The following STXBP5 variants were observed in gnomAD, a reference collection of about 807,000 sequenced individuals.
STXBP5 encodes syntaxin-binding protein 5.
A neutral mutation model predicts 152.4 loss-of-function variants in STXBP5; 50 were observed. That is an observed-to-expected ratio of 0.33 (90% CI 0.26 to 0.42). The LOEUF (loss-of-function observed/expected upper bound fraction) is 0.42, where lower values mean the gene tolerates loss of function less well. STXBP5 is among the 10% of genes least tolerant of loss of function. The probability of loss-of-function intolerance (pLI) is 1.00; values close to 1 mark genes in which losing one functional copy is unlikely to be tolerated. For synonymous variants in STXBP5, 492 were observed against 494.7 expected (o/e 0.99, Z 0.07); for missense variants, 1,167 against 1,388.6 (o/e 0.84, Z 2.54).
chr6:147,295,309 T>A (rs1443211141), intron 9 of STXBP5, among the ~76,000 whole-genome samples: 1 of 152,130 alleles, frequency 6.6e-6, no homozygotes, highest in African/African-American at 2.4e-5. Context: ...TTAGAAGAGT[T>A]AGTTTTCTCC....
chr6:147,218,969 G>A (rs911308964), intron 2 of STXBP5, among the ~76,000 whole-genome samples: 1 of 152,098 alleles, frequency 6.6e-6, no homozygotes, highest in African/African-American at 2.4e-5. Flanking sequence ...TGCATTAGCT[G>A]GTGCTCCCAT....
At chr6:147,295,673 A>G (rs186582483) in intron 9 of STXBP5, among the ~76,000 whole-genome samples, 1 of 152,292 alleles carries the variant, frequency 6.6e-6, no homozygotes, top group East Asian at 1.9e-4. Flanking sequence ...AACGTAAGCC[A>G]TAGGCCCCCA....
chr6:147,279,848 A>G (rs1331292900), intron 8 of STXBP5, among the ~76,000 whole-genome samples: 1 of 152,200 alleles, frequency 6.6e-6, no homozygotes. Flanking sequence ...AAAAGTACCA[A>G]TAAGGTGTGG....
intron 9 of STXBP5, among the ~76,000 whole-genome samples, chr6:147,295,834 C>T (rs1781493336): frequency 6.6e-6 from 1 of 152,196 alleles, no homozygotes; most frequent in Admixed American, 6.5e-5. Flanking sequence ...ACCCTCACCA[C>T]CCCATGACCC....
At chr6:147,281,399 C>G (rs2128343487) in intron 8 of STXBP5, among the ~76,000 whole-genome samples, 2 of 152,272 alleles carry the variant, frequency 1.3e-5, no homozygotes, top group African/African-American at 2.4e-5. Flanking sequence ...AAACTACATT[C>G]TGCATACCAT....
chr6:147,271,394 A>C (rs1164520037), intron 7 of STXBP5, among the ~76,000 whole-genome samples: 1 of 152,160 alleles, frequency 6.6e-6, no homozygotes, highest in Non-Finnish European at 1.5e-5. Flanking sequence ...TATCACCAAG[A>C]CATGCTATAT....
At chr6:147,229,333 A>G (rs1262266083) in intron 2 of STXBP5, among the ~76,000 whole-genome samples, 2 of 151,948 alleles carry the variant, frequency 1.3e-5, no homozygotes, top group African/African-American at 4.8e-5. Flanking sequence ...TTTATCATTC[A>G]TACAAGCTAA....
chr6:147,289,848 T>C (rs1781190003), intron 8 of STXBP5, among the ~76,000 whole-genome samples: 1 of 152,082 alleles, frequency 6.6e-6, no homozygotes, highest in South Asian at 2.1e-4. Flanking sequence ...AGATATACTA[T>C]ATGCCAAACA....
chr6:147,345,097 T>C (rs1317335013), intron 21 of STXBP5, among the ~76,000 whole-genome samples: 2 of 152,212 alleles, frequency 1.3e-5, no homozygotes, highest in African/African-American at 2.4e-5. Context: ...AACAGGTCTG[T>C]ATTTAATTTG....
At chr6:147,290,666 A>G (rs1781233532) in intron 8 of STXBP5, among the ~76,000 whole-genome samples, 1 of 152,220 alleles carries the variant, frequency 6.6e-6, no homozygotes, top group Non-Finnish European at 1.5e-5. Flanking sequence ...GAATAAATAT[A>G]AATGATTTTA....
At chr6:147,256,166 T>C (rs1380696395) in intron 4 of STXBP5, among the ~76,000 whole-genome samples, 1 of 152,208 alleles carries the variant, frequency 6.6e-6, no homozygotes, top group Non-Finnish European at 1.5e-5. Flanking sequence ...ATGAAGCTCA[T>C]GAGCAGACTT....
At chr6:147,295,921 T>G (rs1781497579) in intron 9 of STXBP5, among the ~76,000 whole-genome samples, 1 of 152,150 alleles carries the variant, frequency 6.6e-6, no homozygotes, top group Non-Finnish European at 1.5e-5. Flanking sequence ...AGTAGCCACT[T>G]CATTTGTCCA....
At chr6:147,235,003 A>G (rs1778196968) in intron 2 of STXBP5, among the ~76,000 whole-genome samples, 2 of 152,040 alleles carry the variant, frequency 1.3e-5, no homozygotes, top group Admixed American at 1.3e-4. Context: ...TCTTGTTTTA[A>G]TATGTTGCTG....
intron 8 of STXBP5, among the ~76,000 whole-genome samples, chr6:147,284,244 C>T (rs944455381): frequency 1.6e-4 from 25 of 152,072 alleles, no homozygotes; most frequent in Non-Finnish European, 2.9e-4. Context: ...TGGATAGCCA[C>T]GCTAGACTGA....
At chr6:147,239,873 G>T (rs916960503) in intron 4 of STXBP5, among the ~76,000 whole-genome samples, 7 of 151,880 alleles carry the variant, frequency 4.6e-5, no homozygotes, top group Non-Finnish European at 1.0e-4. Flanking sequence ...TGTGAATTTG[G>T]GGCTTTGATT....
chr6:147,314,066 T>G, intron 12 of STXBP5, 35 bp downstream of exon 12: 1 of 1,545,454 alleles, frequency 6.5e-7, no homozygotes. Context: ...TAATGTTATA[T>G]TTCTTATTTA....
At position 147,262,281 on chromosome 6, in the gene STXBP5, C is replaced by T; in HGVS notation, c.567-9C>T. The T allele has an allele frequency of 2.0e-6, 3 of 1,533,324 alleles. No individual in the cohort carries two copies. Among genetic ancestry groups the T allele is most frequent in the Admixed American group, 4.4e-5 (2 of 45,504 alleles). 95.0% of individuals were successfully genotyped at this position (1,533,324 alleles called of 1,614,324 possible). On this transcript the variant is annotated splice_polypyrimidine_tract_variant and intron_variant, in intron 5 of 27. Coordinates refer to ENST00000321680, the MANE Select transcript of STXBP5 (RefSeq NM_001127715.4). Reference sequence around the variant, plus strand: ...GAAGAGAAAATCTTACTAACTTTTTCTTTTTTAGGTCATCTAAATCTCACC... The same window carrying T: ...GAAGAGAAAATCTTACTAACTTTTTTTTTTTTAGGTCATCTAAATCTCACC...
chr6:147,327,230 T>C lies in STXBP5; in HGVS notation c.2034T>C (p.Tyr678=), dbSNP rs762343049. The change falls in exon 18 of 28, where the codon TAT becomes TAC. Residue 678 remains tyrosine, a synonymous_variant. Transcript: ENST00000321680. ...AATTATATGGCTCTAATGATCCTTATCGGAGAGAACCCCGATCTCCTCGTA... is the reference window on the plus strand; with the variant it reads ...AATTATATGGCTCTAATGATCCTTACCGGAGAGAACCCCGATCTCCTCGTA... ...TIELYGSNDP[Y]RREPRSPRKS... 6.2e-7 allele frequency: 1 copy of C among 1,613,928 alleles called. No homozygotes were observed.
intron 8 of STXBP5, among the ~76,000 whole-genome samples, chr6:147,282,482 A>G (rs1780748015): frequency 6.6e-6 from 1 of 152,210 alleles, no homozygotes; most frequent in South Asian, 2.1e-4. Context: ...TATTACTTGT[A>G]AAATGGCAAG....
Sources: gnomAD v4.1 joint callset for allele counts (sites outside exome capture counted in the v4.1 genomes callset) on GRCh38, gnomAD v4.1.1 for gene constraint, MANE v1.5 for transcripts, NCBI Gene and HGNC (gene_info 2026-07-23, HGNC 2026-07-21) for gene names.